Variants in SORCS2 observed in about 807,000 individuals in gnomAD.
The protein encoded by SORCS2 is sortilin related VPS10 domain containing receptor 2.
A neutral mutation model predicts 141.6 loss-of-function variants in SORCS2; 100 were observed. The ratio of observed to expected loss-of-function variants is 0.71; its 90% CI spans 0.60 to 0.83. The LOEUF is 0.83. Among genes scored for constraint, SORCS2 ranks in the 40% least tolerant of loss-of-function variants. The pLI, the probability that SORCS2 is intolerant of heterozygous loss-of-function variation, is 0.00. For synonymous variants in SORCS2, 789 were observed against 676.9 expected, an observed-to-expected ratio of 1.17 and a Z score of -2.57; for missense variants, 1,646 against 1,560.2, an observed-to-expected ratio of 1.05 and a Z score of -0.93.
intron 2 of SORCS2, among the ~76,000 whole-genome samples, chr4:7,425,963 G>C (rs573921848): frequency 2.9e-4 from 44 of 152,354 alleles, no homozygotes; most frequent in African/African-American, 9.6e-4. Flanking sequence ...AGGCACAAAG[G>C]CATCATGATC....
intron 1 of SORCS2, among the ~76,000 whole-genome samples, chr4:7,257,332 T>G (rs1577328207): frequency 2.0e-5 from 1 of 49,044 alleles, no homozygotes; most frequent in African/African-American, 8.4e-5. Context: ...GCACCGACCT[T>G]GGGGAAGGCT....
At chr4:7,487,035 CG>C (rs981436360) in intron 2 of SORCS2, among the ~76,000 whole-genome samples, 6 of 152,208 alleles carry the variant, frequency 3.9e-5, no homozygotes, top group Non-Finnish European at 8.8e-5. Flanking sequence ...TGCCTGTCTA[CG>C]GGGTGTTCCC....
chr4:7,378,005 A>G (rs1248351296), intron 1 of SORCS2, among the ~76,000 whole-genome samples: 2 of 152,222 alleles, frequency 1.3e-5, no homozygotes, highest in Admixed American at 6.5e-5. Flanking sequence ...AAGTCACAAT[A>G]TACCCCGATT....
intron 14 of SORCS2, among the ~76,000 whole-genome samples, chr4:7,711,847 G>T (rs1467825633): frequency 1.3e-5 from 2 of 152,172 alleles, no homozygotes; most frequent in African/African-American, 4.8e-5. Context: ...ATGCCGCAGG[G>T]TGCCTCCCCA....
intron 1 of SORCS2, among the ~76,000 whole-genome samples, chr4:7,214,430 G>T (rs1011996672): frequency 8.5e-5 from 13 of 152,096 alleles, no homozygotes; most frequent in African/African-American, 1.9e-4. Context: ...CCAGTGCTGT[G>T]CTCTTGGACT....
Position 7,192,592 on chromosome 4 carries a change from C to T in SORCS2, c.-55C>T, listed in dbSNP as rs1726905138. The T allele has an allele frequency of 1.0e-6, 1 of 987,094 alleles. No homozygotes were observed. 61.1% of individuals were successfully genotyped at this position (987,094 alleles called of 1,614,324 possible). A position where few individuals can be genotyped will look rare whatever the true frequency, so the allele number is the denominator to read the frequency against. On this transcript the variant is annotated 5_prime_UTR_variant, in exon 1 of 27. Coordinates refer to ENST00000507866, the MANE Select transcript of SORCS2 (RefSeq NM_020777.3). The surrounding 1 kb of genome is among the most constrained non-coding windows in gnomAD (Gnocchi z 4.0). Reference sequence around the variant, plus strand: ...CAGCGCCCTCCTGCTCTCCCGGCCGCGGTCCCCTCGTCCGCGCCGCCCCGC... The same window carrying T: ...CAGCGCCCTCCTGCTCTCCCGGCCGTGGTCCCCTCGTCCGCGCCGCCCCGC...
At chr4:7,678,208 T>C (rs1723289424) in intron 9 of SORCS2, among the ~76,000 whole-genome samples, 1 of 149,240 alleles carries the variant, frequency 6.7e-6, no homozygotes, top group African/African-American at 2.5e-5. Context: ...AGTCAGGGAG[T>C]GCTTCCTGGA....
At chr4:7,714,982 G>A (rs1418885261) in intron 16 of SORCS2, among the ~76,000 whole-genome samples, 1 of 152,142 alleles carries the variant, frequency 6.6e-6, no homozygotes, top group Admixed American at 6.5e-5. Context: ...TGAGTTCACA[G>A]CATCCCTTTG....
chr4:7,475,399 A>T (rs1730229783), intron 2 of SORCS2, among the ~76,000 whole-genome samples: 1 of 152,140 alleles, frequency 6.6e-6, no homozygotes, highest in Admixed American at 6.5e-5. Context: ...GGAGGCCCGG[A>T]TGCCTCTGAG....
chr4:7,377,754 T>C lies in SORCS2; in HGVS notation c.481-18534T>C, dbSNP rs1180575116. On this transcript the variant is annotated intron_variant, in intron 1 of 26. Coordinates refer to ENST00000507866, the MANE Select transcript of SORCS2 (RefSeq NM_020777.3). ...GCTCAGGAAGTTTACATGGGGAGCC[T>C]GATTTGACAGGTCTGTTTTATAACA... 2.0e-5 allele frequency among the ~76,000 whole-genome samples: 3 copies of C among 152,160 alleles called. No individual in the cohort carries two copies. The East Asian group carries it at 5.8e-4, about 29-fold the overall frequency.
At chr4:7,230,700 A>G (rs28683555) in intron 1 of SORCS2, among the ~76,000 whole-genome samples, 29 of 80,348 alleles carry the variant, frequency 3.6e-4, no homozygotes, top group Non-Finnish European at 4.8e-4. Flanking sequence ...GAGCAGTGTC[A>G]TGTGCTCATG....
At chr4:7,631,175 G>A (rs4689145) in intron 3 of SORCS2, among the ~76,000 whole-genome samples, 59,850 of 150,760 alleles carry the variant, frequency 0.4, 12,764 homozygotes, top group East Asian at 0.74. Flanking sequence ...AGAGGAAGAT[G>A]ACGTGGACCA....
chr4:7,322,131 G>C (rs1011580727), intron 1 of SORCS2, among the ~76,000 whole-genome samples: 2 of 152,198 alleles, frequency 1.3e-5, no homozygotes, highest in African/African-American at 4.8e-5. Flanking sequence ...GTGCTCATTA[G>C]ACCAGATGCT....
chr4:7,347,320 C>G (rs1720698804), intron 1 of SORCS2, among the ~76,000 whole-genome samples: 2 of 152,234 alleles, frequency 1.3e-5, no homozygotes, highest in Non-Finnish European at 2.9e-5. Context: ...CAAGCATTCT[C>G]CTTGGCAACC....
At chr4:7,720,049 AC>A (rs1233448962) in intron 18 of SORCS2, among the ~76,000 whole-genome samples, 2 of 152,224 alleles carry the variant, frequency 1.3e-5, no homozygotes, top group East Asian at 3.9e-4. Context: ...TCACACATAC[AC>A]ACAAACACAC....
intron 1 of SORCS2, among the ~76,000 whole-genome samples, chr4:7,347,449 A>G (rs927699255): frequency 6.6e-6 from 1 of 152,230 alleles, no homozygotes; most frequent in East Asian, 1.9e-4. Flanking sequence ...TGGGCCCTCT[A>G]TATGCCTGTT....
chr4:7,369,153 CA>C (rs530964794), intron 1 of SORCS2, among the ~76,000 whole-genome samples: 1 of 151,748 alleles, frequency 6.6e-6, no homozygotes. Flanking sequence ...CTAAAAAATA[CA>C]AAAAAAATTA....
At chr4:7,287,356 C>T (rs567041595) in intron 1 of SORCS2, among the ~76,000 whole-genome samples, 39 of 152,358 alleles carry the variant, frequency 2.6e-4, no homozygotes, top group Admixed American at 1.9e-3. Flanking sequence ...CGTCTGGGTG[C>T]GTCCCAACGG....
chr4:7,257,395 C>T (rs565594171), intron 1 of SORCS2, among the ~76,000 whole-genome samples: 51 of 151,962 alleles, frequency 3.4e-4, no homozygotes, highest in Admixed American at 1.4e-3. Context: ...GGGAACTCCC[C>T]GGGGCTCCAA....
Sources: allele counts gnomAD v4.1 joint callset (sites outside exome capture counted in the v4.1 genomes callset), GRCh38; gene constraint gnomAD v4.1.1; non-coding constraint Gnocchi (gnomAD v3.1); transcripts MANE v1.5; gene names NCBI Gene and HGNC (gene_info 2026-07-23, HGNC 2026-07-21).